The following BLVRB variants were observed in gnomAD, a reference collection of about 807,000 sequenced individuals.
The protein encoded by BLVRB is biliverdin reductase B.
BLVRB carries 25 observed loss-of-function variants against 21.1 expected under a neutral mutation model. The ratio of observed to expected loss-of-function variants is 1.19; its 90% CI spans 0.86 to 1.66. BLVRB has a LOEUF of 1.66. BLVRB is among the 40% of genes most tolerant of loss of function. The pLI is 0.00. For synonymous variants in BLVRB, 128 were observed against 122.2 expected, an observed-to-expected ratio of 1.05 and a Z score of -0.31; for missense variants, 274 against 282.7, an observed-to-expected ratio of 0.97 and a Z score of 0.22.
intron 1 of BLVRB, among the ~76,000 whole-genome samples, chr19:40,460,454 C>A (rs1289212259): frequency 1.3e-5 from 2 of 149,616 alleles, no homozygotes; most frequent in Non-Finnish European, 3.0e-5. Flanking sequence ...ATAGTGAAAC[C>A]CCGTCTCTGC....
rs2079720529 is a variant in BLVRB at position 40,447,794 on chromosome 19, CTAGAG to C, written c.*90_*94del. 7.0e-7 allele frequency: 1 copy of C among 1,423,206 alleles called. No individual in the cohort carries two copies. Among genetic ancestry groups the C allele is most frequent in the East Asian group, 2.4e-5 (1 of 41,544 alleles). 88.2% of individuals were successfully genotyped at this position (1,423,206 alleles called of 1,614,324 possible). ...AGGAAGAGTCACACAGTCGGTTTCT[CTAGAG>C]TAATTTGAAGCTCTTGGCTCAACAT... On this transcript the variant is annotated 3_prime_UTR_variant, in exon 5 of 5. Transcript: ENST00000263368.
chr19:40,462,279 C>CCT (rs1568741061), intron 1 of BLVRB, among the ~76,000 whole-genome samples: 20 of 129,596 alleles, frequency 1.5e-4, no homozygotes, highest in Admixed American at 6.5e-4. Flanking sequence ...TATGGGCATT[C>CCT]TTTTTTTTTT....
chr19:40,449,434 C>CG, intron 4 of BLVRB, among the ~76,000 whole-genome samples: 2 of 151,990 alleles, frequency 1.3e-5, no homozygotes, highest in African/African-American at 2.4e-5. Context: ...TTAGTAGAGA[C>CG]GGGGTCTCAC....
intron 3 of BLVRB, among the ~76,000 whole-genome samples, chr19:40,453,298 C>T (rs2079748932): frequency 6.6e-6 from 1 of 152,030 alleles, no homozygotes; most frequent in Non-Finnish European, 1.5e-5. Flanking sequence ...CTTGACTGTC[C>T]TGTTTAAAAT....
rs142840285 is a variant in BLVRB at position 40,465,350 on chromosome 19, T to C, written c.79+260A>G. On this transcript the variant is annotated intron_variant, in intron 1 of 4. Transcript: ENST00000263368. ...TGACAACCGCATTGCATAAGAGCCC[T>C]GGACTTACACACGACTGTGCCAGTG... is the stretch of plus-strand genomic sequence containing the variant. Among the ~76,000 whole-genome samples, 841 of 152,342 alleles carry C rather than the reference T, an allele frequency of 5.5e-3. 7 individuals carry two copies. The highest frequency in any genetic ancestry group is 0.018 in the African/African-American group (754 of 41,580).
intron 1 of BLVRB, among the ~76,000 whole-genome samples, chr19:40,463,079 A>G (rs182791825): frequency 3.2e-3 from 486 of 152,280 alleles, no homozygotes; most frequent in South Asian, 5.0e-3. Context: ...CGTTGTGACC[A>G]TATGTTTCAG....
At chr19:40,459,183 G>A (rs551022634) in intron 1 of BLVRB, among the ~76,000 whole-genome samples, 1 of 150,646 alleles carries the variant, frequency 6.6e-6, no homozygotes, top group East Asian at 2.0e-4. Flanking sequence ...TACAAAATTA[G>A]CCAGGCATGG....
In BLVRB at chr19:40,451,389, G is replaced by C. The variant is rs577568315; in HGVS notation, c.438C>G (p.Tyr146Ter). The stretch of plus-strand genomic sequence containing the variant: ...CTATGTGTGGCGGCATCACAGCCAC[G>C]TACTTCAGGCCTGATTCCCGCAGCA... ...HKVLRESGLK[Y>*]VAVMPPHIGD... The change falls in exon 4 of 5, where the codon TAC (tyrosine) becomes TAG (stop). Residue 146 changes from tyrosine (Y) to a stop codon, truncating the protein, a stop_gained. Transcript: ENST00000263368. LOFTEE classifies it high-confidence loss of function. 143 of 1,608,324 alleles carry C rather than the reference G, an allele frequency of 8.9e-5. 6 individuals are homozygous for C. The South Asian group carries it at 1.5e-3, about 17-fold the overall frequency.
At chr19:40,461,498 ATTTTTTTTT>A (rs35562498) in intron 1 of BLVRB, among the ~76,000 whole-genome samples, 1 of 135,528 alleles carries the variant, frequency 7.4e-6, no homozygotes, top group African/African-American at 2.8e-5. Flanking sequence ...CCCACAGCAC[ATTTTTTTTT>A]TTTTTTTTCT....
chr19:40,452,544 G>A (rs1268159829), intron 3 of BLVRB, among the ~76,000 whole-genome samples: 1 of 151,288 alleles, frequency 6.6e-6, no homozygotes, highest in Non-Finnish European at 1.5e-5. Flanking sequence ...GCAATGGCAT[G>A]ATACCGGCCA....
chr19:40,458,986 T>C lies in BLVRB; in HGVS notation c.80-441A>G, dbSNP rs372770387. On this transcript the variant is annotated intron_variant, in intron 1 of 4. Coordinates refer to ENST00000263368, the MANE Select transcript of BLVRB (RefSeq NM_000713.3). ...ACTGCGCCGTGGCCTTCAAACATTT[T>C]TGCTGGCATACCTACAGTTGATGCT... is the stretch of plus-strand genomic sequence containing the variant. Among the ~76,000 whole-genome samples the C allele has an allele frequency of 4.7e-4, 72 of 152,008 alleles. 1 individual carries two copies. In the South Asian group the frequency reaches 0.014, roughly 30 times the overall value.
At chr19:40,460,034 T>A (rs2079779661) in intron 1 of BLVRB, among the ~76,000 whole-genome samples, 1 of 152,130 alleles carries the variant, frequency 6.6e-6, no homozygotes, top group Non-Finnish European at 1.5e-5. Flanking sequence ...TGCCCAGCCT[T>A]ACTGCTGGGA....
At chr19:40,461,135 G>A (rs1473507051) in intron 1 of BLVRB, among the ~76,000 whole-genome samples, 1 of 151,988 alleles carries the variant, frequency 6.6e-6, no homozygotes, top group Non-Finnish European at 1.5e-5. Flanking sequence ...TGCCTGGCAT[G>A]GCCTCCCAAA....
intron 1 of BLVRB, among the ~76,000 whole-genome samples, chr19:40,460,882 G>A (rs1340888687): frequency 6.6e-6 from 1 of 152,108 alleles, no homozygotes; most frequent in Non-Finnish European, 1.5e-5. Flanking sequence ...TGAGGCAGAA[G>A]AATCGCTTGA....
intron 3 of BLVRB, among the ~76,000 whole-genome samples, chr19:40,456,785 G>T (rs1257513707): frequency 6.6e-6 from 1 of 152,048 alleles, no homozygotes; most frequent in African/African-American, 2.4e-5. Context: ...TACTCAGGAG[G>T]CTGGGGCAGG....
At chr19:40,448,227 T>C (rs2079722973) in intron 4 of BLVRB, among the ~76,000 whole-genome samples, 181 bp from the exon 5 acceptor site, 1 of 152,122 alleles carries the variant, frequency 6.6e-6, no homozygotes, top group Non-Finnish European at 1.5e-5. Flanking sequence ...ATTCATTCGA[T>C]AAATCCTTAT....
intron 2 of BLVRB, 33 bp from the exon 3 acceptor site, chr19:40,458,277 GGGCGGC>G (rs751269661): frequency 2.5e-6 from 4 of 1,576,972 alleles, no homozygotes; most frequent in Non-Finnish European, 8.6e-7. Flanking sequence ...TGTCACTGGT[GGGCGGC>G]GGCGGCGGCA....
intron 4 of BLVRB, among the ~76,000 whole-genome samples, chr19:40,448,623 A>G (rs151165036): frequency 1.5e-5 from 1 of 68,408 alleles, no homozygotes; most frequent in African/African-American, 6.3e-5. Context: ...ATATATATAT[A>G]TATATATATA....
At chr19:40,452,712 A>G (rs1185408911) in intron 3 of BLVRB, among the ~76,000 whole-genome samples, 2 of 151,980 alleles carry the variant, frequency 1.3e-5, no homozygotes, top group Non-Finnish European at 2.9e-5. Context: ...TAAAAATACA[A>G]AAGTTAGCTG....
Sources: gnomAD v4.1 joint callset for allele counts (sites outside exome capture counted in the v4.1 genomes callset) on GRCh38, gnomAD v4.1.1 for gene constraint, MANE v1.5 for transcripts, NCBI Gene and HGNC (gene_info 2026-07-23, HGNC 2026-07-21) for gene names.